Variants in GBE1 observed in about 807,000 individuals in gnomAD.
GBE1 encodes the protein 1,4-alpha-glucan-branching enzyme.
In GBE1, 70 loss-of-function variants were observed where a neutral mutation model predicts 88.8. That is an observed-to-expected ratio of 0.79 (90% CI 0.65 to 0.96). The LOEUF (loss-of-function observed/expected upper bound fraction) is 0.96, where lower values mean the gene tolerates loss of function less well. Ranked by LOEUF, GBE1 falls within the 40% of genes least tolerant of loss-of-function variation. The pLI, the probability that GBE1 is intolerant of heterozygous loss-of-function variation, is 0.00. For missense variants in GBE1, 872 were observed against 871.0 expected (o/e 1.00, Z -0.01); for synonymous variants, 284 against 300.1 (o/e 0.95, Z 0.56).
At chr3:81,648,329 T>G (rs1008620492) in intron 5 of GBE1, among the ~76,000 whole-genome samples, 1 of 152,140 alleles carries the variant, frequency 6.6e-6, no homozygotes, top group Non-Finnish European at 1.5e-5. Flanking sequence ...CTCCTGTTTG[T>G]TATGAAGACA....
At chr3:81,612,347 T>G (rs1221656965) in intron 7 of GBE1, 2 of 829,966 alleles carry the variant, frequency 2.4e-6, no homozygotes, top group African/African-American at 3.4e-5. Flanking sequence ...CCATTTGATT[T>G]CGGTGGACTT....
intron 3 of GBE1, among the ~76,000 whole-genome samples, chr3:81,665,251 TG>T (rs1705094901): frequency 6.6e-6 from 1 of 152,042 alleles, no homozygotes; most frequent in African/African-American, 2.4e-5. Context: ...TGAGATTTGT[TG>T]GCCGGGCGTG....
At chr3:81,500,144 T>G (rs943934530) in intron 14 of GBE1, among the ~76,000 whole-genome samples, 1 of 152,212 alleles carries the variant, frequency 6.6e-6, no homozygotes, top group Non-Finnish European at 1.5e-5. Flanking sequence ...GAGATGAAGA[T>G]GGACACGCTA....
At chr3:81,621,103 T>C (rs985104363) in intron 7 of GBE1, among the ~76,000 whole-genome samples, 17 of 152,166 alleles carry the variant, frequency 1.1e-4, no homozygotes, top group Non-Finnish European at 5.9e-5. Context: ...CAGTTTCAGT[T>C]ACTCTGTTAT....
chr3:81,672,712 T>C (rs1184565816), intron 2 of GBE1, among the ~76,000 whole-genome samples: 2 of 152,030 alleles, frequency 1.3e-5, no homozygotes, highest in South Asian at 2.1e-4. Context: ...TGTATACACA[T>C]AGATGTTTAT....
chr3:81,550,809 T>G (rs940166139), intron 12 of GBE1, among the ~76,000 whole-genome samples: 3 of 152,130 alleles, frequency 2.0e-5, no homozygotes, highest in African/African-American at 7.2e-5. Flanking sequence ...GTATGAATAA[T>G]CCACCCCTTG....
At chr3:81,571,233 G>T (rs572454114) in intron 12 of GBE1, among the ~76,000 whole-genome samples, 23 of 152,178 alleles carry the variant, frequency 1.5e-4, no homozygotes, top group Admixed American at 7.2e-4. Flanking sequence ...ACTTTTCTCC[G>T]TTGAAGAGGG....
chr3:81,490,460 A>G lies in GBE1; in HGVS notation c.2056T>C (p.Tyr686His), dbSNP rs754607405. ...HNGRPYSLLV[Y>H]IPSRVALILQ... is the part of the protein sequence containing the mutation. The stretch of plus-strand genomic sequence containing the variant: ...ATGAGGGCCACTCTGCTTGGAATGT[A>G]CACCTACGTCAAAACAATTATGTCA... Residue 686 changes from tyrosine (Y) to histidine (H), a missense_variant, in exon 16 of 16, where the codon TAC becomes CAC. Transcript: ENST00000429644. 5.2e-5 allele frequency: 84 copies of G among 1,612,384 alleles called. 1 individual carries two copies. In the Admixed American group the frequency reaches 1.2e-3, roughly 24 times the overall value.
chr3:81,603,659 T>C (rs1576166312), intron 7 of GBE1, among the ~76,000 whole-genome samples: 2 of 152,090 alleles, frequency 1.3e-5, no homozygotes, highest in East Asian at 3.9e-4. Context: ...CACGCCCAGC[T>C]AATTTTTTGT....
chr3:81,541,456 C>A lies in GBE1; in HGVS notation c.1619-4361G>T, dbSNP rs1244256691. On this transcript the variant is annotated intron_variant, in intron 12 of 15. Coordinates refer to ENST00000429644, the MANE Select transcript of GBE1 (RefSeq NM_000158.4). The stretch of plus-strand genomic sequence containing the variant: ...TGGTGATGGGCTGCAAGTTGCCCCC[C>A]CCGCCACCTCGCCCAAATTCATATG... 4.6e-5 allele frequency among the ~76,000 whole-genome samples: 7 copies of A among 151,164 alleles called. No individual in the cohort carries two copies. The East Asian group carries it at 5.9e-4, about 13-fold the overall frequency.
intron 8 of GBE1, among the ~76,000 whole-genome samples, chr3:81,592,925 G>A (rs1306565335): frequency 2.0e-5 from 3 of 152,138 alleles, no homozygotes; most frequent in Non-Finnish European, 4.4e-5. Context: ...GCAGCATCAT[G>A]AGTAAGATCA....
Position 81,525,257 on chromosome 3 carries a change from T to A in GBE1, c.1934+9938A>T, listed in dbSNP as rs146528369. On this transcript the variant is annotated intron_variant, in intron 14 of 15. Transcript: ENST00000429644. Reference sequence around the variant, plus strand: ...TAGCATGAAGGGCTGTTGAATTTTGTCAAAGGCCTTTTCTTCATCTATTGA... The same window carrying A: ...TAGCATGAAGGGCTGTTGAATTTTGACAAAGGCCTTTTCTTCATCTATTGA... 3.2e-4 allele frequency among the ~76,000 whole-genome samples: 49 copies of A among 152,150 alleles called. No homozygotes were observed. In the East Asian group the frequency reaches 7.2e-3, roughly 22 times the overall value.
At chr3:81,518,930 T>A (rs1004099140) in intron 14 of GBE1, among the ~76,000 whole-genome samples, 2 of 151,598 alleles carry the variant, frequency 1.3e-5, no homozygotes, top group Non-Finnish European at 3.0e-5. Context: ...TACCAAAGTA[T>A]CTAAAACCTG....
intron 2 of GBE1, among the ~76,000 whole-genome samples, chr3:81,672,248 G>A (rs1004108015): frequency 1.3e-5 from 2 of 151,854 alleles, no homozygotes; most frequent in African/African-American, 4.8e-5. Context: ...CCCACAGCCC[G>A]ACAATTCAGC....
chr3:81,636,587 A>G (rs1184574871), intron 7 of GBE1, among the ~76,000 whole-genome samples: 4 of 150,966 alleles, frequency 2.6e-5, no homozygotes, highest in Non-Finnish European at 5.9e-5. Flanking sequence ...CTGGAGTGCA[A>G]TGGCGCAATC....
rs151091415 is a variant in GBE1, at chr3:81,670,803, A to G, written c.429+35T>C. Reference sequence around the variant, plus strand: ...TGGCAAACAAGATAAAAAGAAAATGATAAGTTCAAGAAAAAATAGGAGGGA... The same window carrying G: ...TGGCAAACAAGATAAAAAGAAAATGGTAAGTTCAAGAAAAAATAGGAGGGA... On this transcript the variant is annotated intron_variant, in intron 3 of 15. Transcript: ENST00000429644. 4.6e-3 allele frequency: 5,264 copies of G among 1,137,706 alleles called. 24 individuals carry two copies. The highest frequency in any genetic ancestry group is 6.4e-3 in the Middle Eastern group (33 of 5,170). The allele number at this position is 1,137,706 out of a possible 1,614,324, so 70.5% of individuals were successfully genotyped here.
intron 6 of GBE1, 88 bp downstream of exon 6, chr3:81,646,304 C>G (rs748336892): frequency 2.3e-6 from 2 of 852,256 alleles, no homozygotes; most frequent in Non-Finnish European, 3.9e-6. Flanking sequence ...AAAGGTTACA[C>G]GATGTTATAA....
At position 81,649,508 on chromosome 3, in the gene GBE1, A is replaced by C. The variant is rs1704814535; in HGVS notation, c.555+288T>G. ...GAGTCTCTGATCAATCAGAAATTGTAGTTTAAAAAAAAAACCAGTATCCCT... is the reference window on the plus strand; with the variant it reads ...GAGTCTCTGATCAATCAGAAATTGTCGTTTAAAAAAAAAACCAGTATCCCT... On this transcript the variant is annotated intron_variant, in intron 4 of 15. Coordinates refer to ENST00000429644, the MANE Select transcript of GBE1 (RefSeq NM_000158.4). 2.2e-5 allele frequency among the ~76,000 whole-genome samples: 3 copies of C among 136,882 alleles called. No homozygotes were observed. The South Asian group carries it at 7.0e-4, about 32-fold the overall frequency. 89.8% of individuals were successfully genotyped at this position (136,882 alleles called of 152,430 possible).
chr3:81,573,144 G>A (rs1057422792), intron 12 of GBE1, among the ~76,000 whole-genome samples: 2 of 151,966 alleles, frequency 1.3e-5, no homozygotes, highest in Admixed American at 1.3e-4. Context: ...TCTAACTGAA[G>A]AGTTAACAAT....
Sources: allele counts gnomAD v4.1 joint callset (sites outside exome capture counted in the v4.1 genomes callset), GRCh38; gene constraint gnomAD v4.1.1; transcripts MANE v1.5; gene names NCBI Gene and HGNC (gene_info 2026-07-23, HGNC 2026-07-21).